FREM1: variants seen among roughly 807,000 people sequenced by gnomAD.
FREM1 encodes the protein FRAS1 related extracellular matrix 1.
FREM1 carries 220 observed loss-of-function variants against 210.1 expected under a neutral mutation model. The observed-to-expected ratio is 1.05, with a 90% CI of 0.94 to 1.17. The LOEUF (loss-of-function observed/expected upper bound fraction) is 1.17. Among genes scored for constraint, FREM1 ranks in the 50% most tolerant of loss-of-function variants. The pLI, the probability that FREM1 is intolerant of heterozygous loss-of-function variation, is 0.00. For synonymous variants in FREM1, 1,189 were observed against 980.2 expected, an observed-to-expected ratio of 1.21 and a Z score of -3.98; for missense variants, 3,454 against 2,675.5, an observed-to-expected ratio of 1.29 and a Z score of -6.42.
chr9:14,845,559 C>T (rs985405917), intron 8 of FREM1, among the ~76,000 whole-genome samples: 4 of 152,212 alleles, frequency 2.6e-5, no homozygotes, highest in Admixed American at 1.3e-4. Context: ...CCCACCTTGG[C>T]CTCCCAAAAT....
At chr9:14,859,818 T>G (rs903332222) in intron 3 of FREM1, among the ~76,000 whole-genome samples, 1 of 152,206 alleles carries the variant, frequency 6.6e-6, no homozygotes, top group Non-Finnish European at 1.5e-5. Flanking sequence ...CAAGCCTATA[T>G]AATTTCTGGA....
At chr9:14,788,806 G>C in intron 23 of FREM1, 113 bp downstream of exon 23, 2 of 812,766 alleles carry the variant, frequency 2.5e-6, no homozygotes, top group South Asian at 4.1e-5. Context: ...AAGATGAAGA[G>C]TGGCAGGAAA....
In FREM1 at chr9:14,769,706, A is replaced by G. The variant is rs1391833758; in HGVS notation, c.5204+18T>C. The G allele has an allele frequency of 6.2e-7, 1 of 1,611,234 alleles. No individual in the cohort carries two copies. Among genetic ancestry groups the G allele is most frequent in the Non-Finnish European group, 8.5e-7 (1 of 1,178,396 alleles). ...TGGATGTAACATATAGGACTACTGA[A>G]TAAGCAAGAGAATTTACATTTGAGG... On this transcript the variant is annotated intron_variant, in intron 27 of 36. Transcript: ENST00000380880.
chr9:14,835,007 T>G (rs540079334), intron 10 of FREM1, among the ~76,000 whole-genome samples: 1 of 152,324 alleles, frequency 6.6e-6, no homozygotes, highest in African/African-American at 2.4e-5. Context: ...CTTTAACAGG[T>G]GTTCTCAAAT....
rs373479396 is a variant in FREM1 at position 14,749,994 on chromosome 9, C to T, written c.5557+133G>A. The T allele has an allele frequency of 2.3e-4, 211 of 907,380 alleles. No homozygotes were observed. In the African/African-American group the frequency reaches 2.7e-3, roughly 11 times the overall value. The allele number at this position is 907,380 out of a possible 1,614,324, so 56.2% of individuals were successfully genotyped here. ...AAACCAGAATAAAGGGCCTACATCA[C>T]GACTGAGGGTGCTTTCTTGACAAGA... On this transcript the variant is annotated intron_variant, in intron 30 of 36. Coordinates refer to ENST00000380880, the MANE Select transcript of FREM1 (RefSeq NM_001379081.2).
At position 14,746,958 on chromosome 9, in the gene FREM1, C is replaced by T. The variant is rs371517454; in HGVS notation, c.6103G>A (p.Gly2035Arg). The T allele has an allele frequency of 4.3e-6, 7 of 1,613,268 alleles. No individual in the cohort carries two copies. In the East Asian group the frequency reaches 6.7e-5, roughly 15 times the overall value. ...EGIQKLYQCN[G>R]IAWKAWSPQT... Reference sequence around the variant, plus strand: ...GGACTCCAGGCTTTCCAGGCGATCCCATTGCACTGATACAGCTTCTGGATG... The same window carrying T: ...GGACTCCAGGCTTTCCAGGCGATCCTATTGCACTGATACAGCTTCTGGATG... The change falls in exon 34 of 37, where the codon GGG becomes AGG. Residue 2035 changes from glycine to arginine, a missense_variant. Gly to Arg is a moderately radical substitution (Grantham distance 125, BLOSUM62 -2). Coordinates refer to ENST00000380880, the MANE Select transcript of FREM1 (RefSeq NM_001379081.2).
intron 24 of FREM1, 161 bp from the exon 25 acceptor site, chr9:14,776,364 C>T: frequency 2.8e-6 from 2 of 716,210 alleles, no homozygotes; most frequent in Non-Finnish European, 4.3e-6. Context: ...TATCATTAAA[C>T]CAGTCACTAG....
intron 1 of FREM1, among the ~76,000 whole-genome samples, chr9:14,897,270 A>T (rs1837901800): frequency 6.6e-6 from 1 of 152,206 alleles, no homozygotes; most frequent in African/African-American, 2.4e-5. Context: ...TATTACAGCT[A>T]AGGAAATAGA....
chr9:14,889,463 A>G (rs543419672), intron 1 of FREM1, among the ~76,000 whole-genome samples: 428 of 152,294 alleles, frequency 2.8e-3, no homozygotes, highest in Admixed American at 6.1e-3. Context: ...TTTCATTTAC[A>G]TAAGAGAGGA....
intron 16 of FREM1, among the ~76,000 whole-genome samples, chr9:14,812,546 G>A (rs1253783089): frequency 6.6e-6 from 1 of 152,128 alleles, no homozygotes; most frequent in Non-Finnish European, 1.5e-5. Flanking sequence ...AGAATCATAG[G>A]GTGAATGGAA....
At chr9:14,778,660 A>G (rs1024430973) in intron 24 of FREM1, among the ~76,000 whole-genome samples, 5 of 36,916 alleles carry the variant, frequency 1.4e-4, no homozygotes, top group African/African-American at 1.9e-4. Context: ...AAGGGAGGGG[A>G]GGGAGGGGAG....
chr9:14,826,555 C>T (rs940758107), intron 10 of FREM1, among the ~76,000 whole-genome samples: 2 of 152,198 alleles, frequency 1.3e-5, no homozygotes, highest in Non-Finnish European at 2.9e-5. Context: ...TTAGACCTTT[C>T]TCCAATTTTT....
intron 29 of FREM1, chr9:14,751,996 G>A (rs1259824551): frequency 6.7e-6 from 1 of 150,090 alleles, no homozygotes; most frequent in Non-Finnish European, 1.5e-5. Flanking sequence ...AGAAGTTGAA[G>A]CATCTAGTAT....
In FREM1 at chr9:14,756,453, A is replaced by AG. The variant is rs201316684; in HGVS notation, c.5335-8dup. On this transcript the variant is annotated splice_region_variant and splice_polypyrimidine_tract_variant and intron_variant, in intron 28 of 36. Coordinates refer to ENST00000380880, the MANE Select transcript of FREM1 (RefSeq NM_001379081.2). ...CAGCTGACACTTGGTTGACCTTAGG[A>AG]GGGAAAAAAAAATCTTTTTAAGATA... The AG allele has an allele frequency of 1.2e-3, 1,812 of 1,574,608 alleles. 48 individuals carry two copies. In the East Asian group the frequency reaches 0.031, roughly 27 times the overall value.
intron 35 of FREM1, among the ~76,000 whole-genome samples, chr9:14,743,072 A>G (rs1046359103): frequency 2.0e-5 from 3 of 152,166 alleles, no homozygotes; most frequent in Admixed American, 6.5e-5. Context: ...TTCATATACT[A>G]TAAATATAAA....
Position 14,784,364 on chromosome 9 carries a change from G to T in FREM1, c.4442+6C>A. On this transcript the variant is annotated splice_donor_region_variant and intron_variant, in intron 24 of 36. Transcript: ENST00000380880. ...AAGGGGTTTGAAAAGTTTCCATGGG[G>T]CTCACCTGAATCTGTCACTGGAGAC... is the stretch of plus-strand genomic sequence containing the variant. 2 of 1,610,658 alleles carry T rather than the reference G, an allele frequency of 1.2e-6. No homozygotes were observed. Among genetic ancestry groups the T allele is most frequent in the African/African-American group, 2.7e-5 (2 of 74,986 alleles).
intron 24 of FREM1, among the ~76,000 whole-genome samples, chr9:14,781,744 C>A (rs1039421919): frequency 1.3e-5 from 2 of 152,130 alleles, no homozygotes; most frequent in African/African-American, 4.8e-5. Flanking sequence ...GCTCTTGTTG[C>A]CCAGGCTGGA....
intron 1 of FREM1, among the ~76,000 whole-genome samples, chr9:14,886,212 CT>C (rs1425438097): frequency 6.6e-6 from 1 of 151,926 alleles, no homozygotes; most frequent in African/African-American, 2.4e-5. Context: ...TGGTGAAACC[CT>C]GTCTCTACTA....
intron 29 of FREM1, among the ~76,000 whole-genome samples, chr9:14,752,362 G>A (rs193231916): frequency 6.6e-5 from 10 of 152,256 alleles, no homozygotes; most frequent in Admixed American, 2.0e-4. Context: ...GTCTTGACTC[G>A]GGAAGGGTGA....
Sources: allele counts gnomAD v4.1 joint callset (sites outside exome capture counted in the v4.1 genomes callset), GRCh38; gene constraint gnomAD v4.1.1; transcripts MANE v1.5; gene names NCBI Gene and HGNC (gene_info 2026-07-23, HGNC 2026-07-21).